The following KCNH2 variants were observed in gnomAD, a reference collection of about 807,000 sequenced individuals.
The protein encoded by KCNH2 is voltage-gated inwardly rectifying potassium channel KCNH2.
Under a neutral mutation model 95.9 loss-of-function variants are expected in KCNH2, and 35 were observed. That is an observed-to-expected ratio of 0.37 (90% CI 0.28 to 0.48). KCNH2 has a LOEUF of 0.48. Ranked by LOEUF, KCNH2 falls within the 20% of genes least tolerant of loss-of-function variation. The pLI, the probability that KCNH2 is intolerant of heterozygous loss-of-function variation, is 0.99. For missense variants in KCNH2, 1,274 were observed against 1,702.9 expected (o/e 0.75, Z 4.43); for synonymous variants, 786 against 754.7 (o/e 1.04, Z -0.68).
chr7:150,950,144 C>CCGGGGGGGGGG, intron 9 of KCNH2, 24 bp downstream of exon 9: 1 of 1,589,010 alleles, frequency 6.3e-7, no homozygotes, highest in Non-Finnish European at 8.6e-7. Context: ...ATTTCCAGTC[C>CCGGGGGGGGGG]AGTGCCCGCC....
chr7:150,958,519 G>A lies in KCNH2; in HGVS notation c.473-17C>T, dbSNP rs1360826473. ...TGGCGCGGCCTGCGGGAGAGGAGAG[G>A]CACGTGGTCGTGGGGATCGCGAGCA... On this transcript the variant is annotated splice_polypyrimidine_tract_variant and intron_variant, in intron 3 of 14. Coordinates refer to ENST00000262186, the MANE Select transcript of KCNH2 (RefSeq NM_000238.4). The A allele has an allele frequency of 6.8e-7, 1 of 1,473,312 alleles. No individual in the cohort carries two copies. The highest frequency in any genetic ancestry group is 8.9e-7 in the Non-Finnish European group (1 of 1,118,994). 91.3% of individuals were successfully genotyped at this position (1,473,312 alleles called of 1,614,324 possible).
chr7:150,965,071 T>C (rs555163131), intron 2 of KCNH2, among the ~76,000 whole-genome samples: 73 of 151,084 alleles, frequency 4.8e-4, no homozygotes, highest in Middle Eastern at 3.4e-3. Context: ...TGTGCGCGCG[T>C]GTGTGTGTGT....
In KCNH2 at chr7:150,961,168, G is replaced by A. The variant is rs1410391748; in HGVS notation, c.308-1432C>T. Among the ~76,000 whole-genome samples, 1 of 152,066 alleles carries A rather than the reference G, an allele frequency of 6.6e-6. No homozygotes were observed. The highest frequency in any genetic ancestry group is 2.4e-5 in the African/African-American group (1 of 41,384). On this transcript the variant is annotated intron_variant, in intron 2 of 14. Coordinates refer to ENST00000262186, the MANE Select transcript of KCNH2 (RefSeq NM_000238.4). This position sits in a 1 kb window ranked among gnomAD's most constrained non-coding sequence, Gnocchi z 6.2. ...TAGTGCCTAGCACCTAGAGTCATAC[G>A]CCCTGGGGCCAGCACTGGCTGGTGG...
chr7:150,959,493 C>A, intron 3 of KCNH2, 79 bp downstream of exon 3: 1 of 1,528,536 alleles, frequency 6.5e-7, no homozygotes, highest in Non-Finnish European at 9.0e-7. Flanking sequence ...TCCTGCAGAG[C>A]GTTGACCTTG....
Position 150,957,378 on chromosome 7 carries a change from G to C in KCNH2, c.1041C>G (p.Pro347=), listed in dbSNP as rs545444296. ...GGTCACTGGTGGGCGAAGCCAAGAAGGGGTCGCCCTTGAGGTCCACAAAGT... is the reference window on the plus strand; with the variant it reads ...GGTCACTGGTGGGCGAAGCCAAGAACGGGTCGCCCTTGAGGTCCACAAAGT... The part of the protein sequence containing the change: ...TLNFVDLKGD[P]FLASPTSDRE... Residue 347 remains proline (P), a synonymous_variant, in exon 5 of 15, where the codon CCC becomes CCG. Coordinates refer to ENST00000262186, the MANE Select transcript of KCNH2 (RefSeq NM_000238.4). 6.2e-7 allele frequency: 1 copy of C among 1,614,056 alleles called. No homozygotes were observed. The highest frequency in any genetic ancestry group is 8.5e-7 in the Non-Finnish European group (1 of 1,179,956).
At chr7:150,968,682 A>G (rs948361798) in intron 2 of KCNH2, among the ~76,000 whole-genome samples, 2 of 152,196 alleles carry the variant, frequency 1.3e-5, no homozygotes, top group Admixed American at 1.3e-4. Flanking sequence ...GAGAAAGGAA[A>G]AAGCAATAAC....
In KCNH2 at chr7:150,950,362, G is replaced by A. The variant is rs199472988; in HGVS notation, c.2204C>T (p.Ser735Leu). The A allele has an allele frequency of 6.2e-7, 1 of 1,612,908 alleles. No homozygotes were observed. The highest frequency in any genetic ancestry group is 8.5e-7 in the Non-Finnish European group (1 of 1,179,710). The change falls in exon 9 of 15, where the codon TCA becomes TTA. Residue 735 changes from serine to leucine, a missense_variant. Coordinates refer to ENST00000262186, the MANE Select transcript of KCNH2 (RefSeq NM_000238.4). ...GAAGGGTTTGCAGTGCTGCAGCAGT[G>A]AGCGGTTCAGGTGCAGGCAGATGTC... ...QADICLHLNR[S>L]LLQHCKPFRG... is the part of the protein sequence containing the mutation.
rs186703827 is a variant in KCNH2, at chr7:150,958,602, G to A, written c.473-100C>T. Reference sequence around the variant, plus strand: ...CCCCAGCCGCTGGGTAAGGGAAGGAGGGGAACGGGCAACCCCCCATCCCCA... The same window carrying A: ...CCCCAGCCGCTGGGTAAGGGAAGGAAGGGAACGGGCAACCCCCCATCCCCA... On this transcript the variant is annotated intron_variant, in intron 3 of 14. Transcript: ENST00000262186. The A allele has an allele frequency of 2.5e-5, 24 of 969,592 alleles. No homozygotes were observed. The East Asian group carries it at 8.2e-4, about 33-fold the overall frequency. 60.1% of individuals were successfully genotyped at this position (969,592 alleles called of 1,614,324 possible).
chr7:150,975,186 TC>T (rs1454139039), intron 1 of KCNH2, among the ~76,000 whole-genome samples: 1 of 151,654 alleles, frequency 6.6e-6, no homozygotes, highest in African/African-American at 2.4e-5. Flanking sequence ...CTGCGTGGCT[TC>T]CCCCGGGCAG....
Position 150,947,066 on chromosome 7 carries a change from A to G in KCNH2, c.3153-12T>C, listed in dbSNP as rs927776131. Reference sequence around the variant, plus strand: ...GCCGGGTCTCCAGCCTGGGGCAGGAAGTGGGGGATGCTCAGAGAAGTGGGG... The same window carrying G: ...GCCGGGTCTCCAGCCTGGGGCAGGAGGTGGGGGATGCTCAGAGAAGTGGGG... On this transcript the variant is annotated splice_polypyrimidine_tract_variant and intron_variant, in intron 13 of 14. Transcript: ENST00000262186. 6.8e-7 allele frequency: 1 copy of G among 1,463,602 alleles called. No individual in the cohort carries two copies. The highest frequency in any genetic ancestry group is 9.2e-7 in the Non-Finnish European group (1 of 1,091,388). The allele number at this position is 1,463,602 out of a possible 1,614,324, so 90.7% of individuals were successfully genotyped here. A position where few individuals can be genotyped will look rare whatever the true frequency, so the allele number is the denominator to read the frequency against.
At chr7:150,958,534 G>A (rs1209914532) in intron 3 of KCNH2, 32 bp from the exon 4 acceptor site, 1 of 1,468,640 alleles carries the variant, frequency 6.8e-7, no homozygotes, top group African/African-American at 1.5e-5. Flanking sequence ...TGGTCGTGGG[G>A]ATCGCGAGCA....
chr7:150,976,924 C>T (rs1428434239), intron 1 of KCNH2, among the ~76,000 whole-genome samples: 4 of 152,116 alleles, frequency 2.6e-5, no homozygotes, highest in Non-Finnish European at 2.9e-5. Flanking sequence ...TACAAGCACG[C>T]GTTGTCCTGT....
At chr7:150,969,214 T>A (rs1401348862) in intron 2 of KCNH2, among the ~76,000 whole-genome samples, 1 of 152,210 alleles carries the variant, frequency 6.6e-6, no homozygotes, top group Non-Finnish European at 1.5e-5. Flanking sequence ...CTTGGGCAAG[T>A]GCCTCAGCCT....
Position 150,961,294 on chromosome 7 carries a change from CTT to C in KCNH2, c.308-1560_308-1559del, listed in dbSNP as rs58129336. On this transcript the variant is annotated intron_variant, in intron 2 of 14. Transcript: ENST00000262186. This position sits in a 1 kb window ranked among gnomAD's most constrained non-coding sequence, Gnocchi z 6.2. ...ACTCCATCTTAGCAACCCAGCCTCA[CTT>C]TTTTTTTTTTTTTTTTTCTGAGACA... Among the ~76,000 whole-genome samples, 2 of 122,090 alleles carry C rather than the reference CTT, an allele frequency of 1.6e-5. No homozygotes were observed. The allele number at this position is 122,090 out of a possible 152,430, so 80.1% of individuals were successfully genotyped here.
chr7:150,977,973 A>C lies in KCNH2; in HGVS notation c.-60T>G. On this transcript the variant is annotated 5_prime_UTR_variant, in exon 1 of 15. Transcript: ENST00000262186. ...CCACCCCGGCCCGGCCCGGCCCAGCACTAGGCTTCGGGTGGCCCGGCCGGG... is the reference window on the plus strand; with the variant it reads ...CCACCCCGGCCCGGCCCGGCCCAGCCCTAGGCTTCGGGTGGCCCGGCCGGG... The C allele has an allele frequency of 9.6e-7, 1 of 1,046,366 alleles. No homozygotes were observed. Among genetic ancestry groups the C allele is most frequent in the Non-Finnish European group, 1.3e-6 (1 of 782,646 alleles). The allele number at this position is 1,046,366 out of a possible 1,614,324, so 64.8% of individuals were successfully genotyped here. A position where few individuals can be genotyped will look rare whatever the true frequency, so the allele number is the denominator to read the frequency against.
rs1298530616 is a variant in KCNH2, at chr7:150,978,022, C to G, written c.-109G>C. The stretch of plus-strand genomic sequence containing the variant: ...GGCCGTGGTCCCCGCACCCCGCGGC[C>G]AAGCCGAGCACGGGCGCGGCCAAGA... On this transcript the variant is annotated 5_prime_UTR_variant, in exon 1 of 15. Coordinates refer to ENST00000262186, the MANE Select transcript of KCNH2 (RefSeq NM_000238.4). The G allele has an allele frequency of 4.6e-6, 2 of 434,276 alleles. No individual in the cohort carries two copies. Among genetic ancestry groups the G allele is most frequent in the African/African-American group, 4.2e-5 (2 of 47,206 alleles). The allele number at this position is 434,276 out of a possible 1,614,324, so 26.9% of individuals were successfully genotyped here. A position where few individuals can be genotyped will look rare whatever the true frequency, so the allele number is the denominator to read the frequency against.
At chr7:150,954,328 G>A (rs1236535170) in intron 5 of KCNH2, among the ~76,000 whole-genome samples, 1 of 151,994 alleles carries the variant, frequency 6.6e-6, no homozygotes, top group Admixed American at 6.5e-5. Context: ...GAAGAAGGTA[G>A]CTGCCCCTGG....
Position 150,962,970 on chromosome 7 carries a change from G to A in KCNH2, c.308-3234C>T, listed in dbSNP as rs1801607507. Reference sequence around the variant, plus strand: ...GCCAGACTCCATCCCACCACTGGCTGGGTTATGGGGGGATGGGAGTCCCTT... The same window carrying A: ...GCCAGACTCCATCCCACCACTGGCTAGGTTATGGGGGGATGGGAGTCCCTT... On this transcript the variant is annotated intron_variant, in intron 2 of 14. Coordinates refer to ENST00000262186, the MANE Select transcript of KCNH2 (RefSeq NM_000238.4). The surrounding 1 kb of genome is among the most constrained non-coding windows in gnomAD (Gnocchi z 5.7). 6.6e-6 allele frequency among the ~76,000 whole-genome samples: 1 copy of A among 152,178 alleles called. No homozygotes were observed. Among genetic ancestry groups the A allele is most frequent in the Non-Finnish European group, 1.5e-5 (1 of 68,020 alleles).
Position 150,958,247 on chromosome 7 carries a change from C to T in KCNH2, c.728G>A (p.Ser243Asn), listed in dbSNP as rs1801447898. The change falls in exon 4 of 15, where the codon AGC (serine) becomes AAC (asparagine). Residue 243 changes from serine (S) to asparagine (N), a missense_variant. Physicochemically the swap from Ser to Asn is conservative, Grantham distance 46. Coordinates refer to ENST00000262186, the MANE Select transcript of KCNH2 (RefSeq NM_000238.4). The part of the protein sequence containing the change: ...ALVGPGSPPR[S>N]APGQLPSPRA... Reference sequence around the variant, plus strand: ...GGGCGATGGGAGCTGGCCGGGCGCGCTGCGGGGCGGAGAGCCGGGACCCAC... The same window carrying T: ...GGGCGATGGGAGCTGGCCGGGCGCGTTGCGGGGCGGAGAGCCGGGACCCAC... 2 of 1,410,284 alleles carry T rather than the reference C, an allele frequency of 1.4e-6. No homozygotes were observed. Among genetic ancestry groups the T allele is most frequent in the African/African-American group, 1.5e-5 (1 of 66,944 alleles). The allele number at this position is 1,410,284 out of a possible 1,614,324, so 87.4% of individuals were successfully genotyped here.
Sources: allele counts gnomAD v4.1 joint callset (sites outside exome capture counted in the v4.1 genomes callset), GRCh38; gene constraint gnomAD v4.1.1; non-coding constraint Gnocchi (gnomAD v3.1); transcripts MANE v1.5; gene names NCBI Gene and HGNC (gene_info 2026-07-23, HGNC 2026-07-21).